The following CHD1 variants were observed in gnomAD, a reference collection of about 807,000 sequenced individuals.
CHD1 encodes the protein ATP-dependent chromatin remodeler CHD1.
A neutral mutation model predicts 224.2 loss-of-function variants in CHD1; 36 were observed. The observed-to-expected ratio is 0.16, with a 90% confidence interval of 0.12 to 0.21. CHD1 has a LOEUF of 0.21. CHD1 is among the 10% of genes least tolerant of loss of function. CHD1 has a pLI of 1.00. For missense variants in CHD1, 1,378 were observed against 1,994.8 expected, an observed-to-expected ratio of 0.69 and a Z score of 5.89; for synonymous variants, 668 against 658.3, an observed-to-expected ratio of 1.01 and a Z score of -0.23.
rs1749543693 is a variant in CHD1 at position 98,873,817 on chromosome 5, ACT to A, written c.3441-96_3441-95del. The stretch of plus-strand genomic sequence containing the variant: ...CACTCTATTTCAAGATCTGAATATC[ACT>A]CTACTGCATGCTCTATATATTCTTG... On this transcript the variant is annotated intron_variant, in intron 25 of 35. Transcript: ENST00000614616. 1.3e-5 allele frequency: 14 copies of A among 1,108,740 alleles called. No individual in the cohort carries two copies. In the South Asian group the frequency reaches 2.0e-4, roughly 16 times the overall value. 68.7% of individuals were successfully genotyped at this position (1,108,740 alleles called of 1,614,324 possible). A position where few individuals can be genotyped will look rare whatever the true frequency, so the allele number is the denominator to read the frequency against.
chr5:98,920,579 C>G (rs952851204), intron 2 of CHD1, among the ~76,000 whole-genome samples: 13 of 152,172 alleles, frequency 8.5e-5, no homozygotes, highest in Admixed American at 7.9e-4. Flanking sequence ...GGTGGATTAC[C>G]TGAGGTCAAG....
intron 16 of CHD1, among the ~76,000 whole-genome samples, 186 bp from the exon 17 acceptor site, chr5:98,888,426 C>T (rs1420782242): frequency 2.0e-5 from 3 of 152,148 alleles, no homozygotes; most frequent in African/African-American, 7.2e-5. Context: ...AGCTAAAATA[C>T]CCTTTGCCAT....
In CHD1 at chr5:98,885,653, G is replaced by GA. The variant is rs1333454417; in HGVS notation, c.2497-5dup. The GA allele has an allele frequency of 1.2e-5, 18 of 1,520,832 alleles. No homozygotes were observed. Among genetic ancestry groups the GA allele is most frequent in the South Asian group, 2.3e-5 (2 of 85,604 alleles). 94.2% of individuals were successfully genotyped at this position (1,520,832 alleles called of 1,614,324 possible). On this transcript the variant is annotated splice_polypyrimidine_tract_variant and splice_region_variant and intron_variant, in intron 17 of 35. Transcript: ENST00000614616. The stretch of plus-strand genomic sequence containing the variant: ...CTTTTATTGATCCATCTAATCTCTA[G>GA]AAAAAAACACATTAAAATACTGCAT...
Position 98,858,967 on chromosome 5 carries a change from G to A in CHD1, c.4573C>T (p.Pro1525Ser), listed in dbSNP as rs752794119. Residue 1525 changes from proline (P) to serine (S), a missense_variant, in exon 34 of 36, where the codon CCA becomes TCA. Pro to Ser is a moderately conservative substitution (Grantham distance 74). Coordinates refer to ENST00000614616, the MANE Select transcript of CHD1 (RefSeq NM_001270.4). Reference sequence around the variant, plus strand: ...CCAATCAGTAAGGCTTACATACCTGGATTTCTAATCACGTGAGGATTCAAG... The same window carrying A: ...CCAATCAGTAAGGCTTACATACCTGAATTTCTAATCACGTGAGGATTCAAG... ...SNLNPHVIRNPDVERLKENTN... is the reference protein window; with the variant it reads ...SNLNPHVIRNSDVERLKENTN... The A allele has an allele frequency of 1.3e-6, 2 of 1,545,858 alleles. No homozygotes were observed. Among genetic ancestry groups the A allele is most frequent in the South Asian group, 2.6e-5 (2 of 77,876 alleles).
rs569640181 is a variant in CHD1 at position 98,925,504 on chromosome 5, T to C, written c.53+830A>G. ...CCTAATTCACACAACTAATAAGAGGTAGAAATAGGGTAAGCAAACAGTTTG... is the reference window on the plus strand; with the variant it reads ...CCTAATTCACACAACTAATAAGAGGCAGAAATAGGGTAAGCAAACAGTTTG... On this transcript the variant is annotated intron_variant, in intron 2 of 35. Transcript: ENST00000614616. Among the ~76,000 whole-genome samples the C allele has an allele frequency of 1.2e-4, 18 of 152,234 alleles. No individual in the cohort carries two copies. The South Asian group carries it at 3.7e-3, about 32-fold the overall frequency.
chr5:98,897,419 T>C (rs1751414838), intron 10 of CHD1, 99 bp from the exon 11 acceptor site: 6 of 820,854 alleles, frequency 7.3e-6, no homozygotes, highest in Non-Finnish European at 1.1e-5. Flanking sequence ...TTAAATTTCA[T>C]CTCTAATCAT....
intron 24 of CHD1, among the ~76,000 whole-genome samples, chr5:98,876,105 C>T (rs1308144394): frequency 1.3e-5 from 2 of 152,120 alleles, no homozygotes. Context: ...AAATCAAATG[C>T]ATCAAAACTA....
rs34128229 is a variant in CHD1, at chr5:98,903,878, C to T, written c.286G>A (p.Val96Ile). 1.1e-3 allele frequency: 1,691 copies of T among 1,610,438 alleles called. 6 individuals are homozygous for T. Among genetic ancestry groups the T allele is most frequent in the Non-Finnish European group, 7.3e-4 (861 of 1,177,930 alleles). ...TTCTTGAGGATTGCAGATCTCTGAA[C>T]GGCCAGAATACTAGGACTAGATTTC... ...FWKSSPSILA[V>I]QRSAILKKQQ... Residue 96 changes from valine to isoleucine, a missense_variant, in exon 4 of 36, where the codon GTT becomes ATT. Around this residue, in one of 16 missense-constraint regions of CHD1, gnomAD observed 306 missense variants for 298.1 expected, o/e 1.03. Coordinates refer to ENST00000614616, the MANE Select transcript of CHD1 (RefSeq NM_001270.4).
intron 35 of CHD1, 136 bp from the exon 36 acceptor site, chr5:98,856,861 CT>C: frequency 1.6e-6 from 1 of 628,934 alleles, no homozygotes; most frequent in Non-Finnish European, 2.7e-6. Flanking sequence ...CATTATAAAA[CT>C]TACTTAATTA....
At chr5:98,888,985 A>G (rs181022148) in intron 16 of CHD1, 91 bp downstream of exon 16, 11 of 776,726 alleles carry the variant, frequency 1.4e-5, no homozygotes, top group African/African-American at 1.2e-4. Context: ...CTTTTATCCA[A>G]TAAGTTAAAG....
rs751872715 is a variant in CHD1 at position 98,926,415 on chromosome 5, T to C, written c.-29A>G. ...AAATTATTATCAAGAAGTTTTAAAG[T>C]AAAATATAAATCTTCCCAGTTTAAA... On this transcript the variant is annotated 5_prime_UTR_variant, in exon 2 of 36. Transcript: ENST00000614616. The C allele has an allele frequency of 5.7e-6, 7 of 1,231,806 alleles. No individual in the cohort carries two copies. In the African/African-American group the frequency reaches 6.3e-5, roughly 11 times the overall value. The allele number at this position is 1,231,806 out of a possible 1,614,324, so 76.3% of individuals were successfully genotyped here.
chr5:98,870,704 C>CT lies in CHD1; in HGVS notation c.3960dup (p.Glu1321ArgfsTer17). On this transcript the variant is annotated frameshift_variant, in exon 29 of 36. Transcript: ENST00000614616. LOFTEE classifies it high-confidence loss of function. ...TAACTTACCGCACCAGAAAGAGCTT[C>CT]TTTTTTTGCAAGATCTCTACTAAGT... The CT allele has an allele frequency of 2.5e-6, 4 of 1,596,156 alleles. No individual in the cohort carries two copies. The highest frequency in any genetic ancestry group is 1.7e-5 in the Admixed American group (1 of 57,896).
intron 2 of CHD1, among the ~76,000 whole-genome samples, chr5:98,916,024 C>A (rs1752705998): frequency 6.6e-6 from 1 of 151,912 alleles, no homozygotes. Context: ...GAAACCCCGT[C>A]CTAACTAAAT....
chr5:98,926,711 T>C (rs1409797380), intron 1 of CHD1, among the ~76,000 whole-genome samples, 177 bp from the exon 2 acceptor site: 1 of 152,144 alleles, frequency 6.6e-6, no homozygotes, highest in Non-Finnish European at 1.5e-5. Flanking sequence ...CACTCCTGAC[T>C]GCTAACTAGA....
intron 2 of CHD1, among the ~76,000 whole-genome samples, chr5:98,924,320 A>C (rs1162211620): frequency 6.6e-6 from 1 of 152,236 alleles, no homozygotes; most frequent in African/African-American, 2.4e-5. Context: ...AACTATAGTC[A>C]GTAGTCAACA....
chr5:98,868,051 C>T (rs183281308), intron 31 of CHD1, among the ~76,000 whole-genome samples: 16 of 152,082 alleles, frequency 1.1e-4, no homozygotes, highest in African/African-American at 2.2e-4. Flanking sequence ...TCCACTGCCT[C>T]GGCCTTCCAA....
intron 18 of CHD1, 100 bp downstream of exon 18, chr5:98,885,478 A>G: frequency 1.3e-6 from 1 of 790,396 alleles, no homozygotes; most frequent in East Asian, 2.8e-5. Context: ...CTCTTTTTTT[A>G]TCAAACTAGA....
intron 16 of CHD1, among the ~76,000 whole-genome samples, chr5:98,888,693 T>A (rs879633700): frequency 6.6e-6 from 1 of 152,234 alleles, no homozygotes; most frequent in Non-Finnish European, 1.5e-5. Flanking sequence ...TTCTGACTTA[T>A]CTTCCAGAAG....
chr5:98,880,136 G>T (rs1383609824), intron 22 of CHD1, among the ~76,000 whole-genome samples: 2 of 152,148 alleles, frequency 1.3e-5, no homozygotes, highest in Non-Finnish European at 2.9e-5. Context: ...AGAGCTACTG[G>T]CAGAGACATA....
Sources: allele counts gnomAD v4.1 joint callset (sites outside exome capture counted in the v4.1 genomes callset), GRCh38; gene constraint gnomAD v4.1.1; regional missense constraint gnomAD v4.1.1; transcripts MANE v1.5; gene names NCBI Gene and HGNC (gene_info 2026-07-23, HGNC 2026-07-21).